NAA11: variants seen among roughly 807,000 people sequenced by gnomAD.
NAA11 encodes the protein N-alpha-acetyltransferase 11, NatA catalytic subunit.
NAA11 carries 15 observed loss-of-function variants against 16.1 expected under a neutral mutation model. The observed-to-expected ratio is 0.93, with a 90% CI of 0.62 to 1.44. The LOEUF (loss-of-function observed/expected upper bound fraction) is 1.44. Ranked by LOEUF, NAA11 falls within the 40% of genes most tolerant of loss-of-function variation. The pLI is 0.00. For synonymous variants in NAA11, 122 were observed against 112.4 expected (o/e 1.09, Z -0.54); for missense variants, 298 against 291.3 (o/e 1.02, Z -0.17).
intron 1 of NAA11, among the ~76,000 whole-genome samples, chr4:79,323,221 T>TA (rs1473588349): frequency 2.0e-5 from 3 of 152,192 alleles, no homozygotes; most frequent in Non-Finnish European, 4.4e-5. Context: ...ATTAAGATGT[T>TA]AAAGCCTGTA....
At chr4:79,303,341 T>G (rs1723468321) in intron 1 of NAA11, among the ~76,000 whole-genome samples, 1 of 151,696 alleles carries the variant, frequency 6.6e-6, no homozygotes. Context: ...TTAATTTGAG[T>G]AGGGGTCTTG....
chr4:79,309,353 T>C (rs1723691703), intron 1 of NAA11, among the ~76,000 whole-genome samples: 1 of 152,234 alleles, frequency 6.6e-6, no homozygotes. Flanking sequence ...AATCACATTG[T>C]ACTGTGGTAT....
chr4:79,185,957 C>G, the NAA11 span, among the ~76,000 whole-genome samples: 1 of 152,064 alleles, frequency 6.6e-6, no homozygotes, highest in African/African-American at 2.4e-5. Flanking sequence ...TTGACAACCA[C>G]CGCCCCACAT....
intron 1 of NAA11, among the ~76,000 whole-genome samples, chr4:79,301,408 C>T (rs1056650089): frequency 3.9e-5 from 6 of 152,192 alleles, no homozygotes; most frequent in African/African-American, 1.4e-4. Flanking sequence ...ATCATCTATA[C>T]TAATCAAGAG....
chr4:79,309,248 A>AT lies in NAA11; in HGVS notation c.*13-15135dup, dbSNP rs553373374. On this transcript the variant is annotated intron_variant and NMD_transcript_variant, in intron 1 of 2. Transcript: ENST00000511542. ...ATTTCTTGGAGATTATTGCTCATTTATTTTTTTAACAGACAAAACAGAATT... is the reference window on the plus strand; with the variant it reads ...ATTTCTTGGAGATTATTGCTCATTTATTTTTTTTAACAGACAAAACAGAATT... 4.0e-3 allele frequency among the ~76,000 whole-genome samples: 613 copies of AT among 152,232 alleles called. 1 individual carries two copies. Among genetic ancestry groups the AT allele is most frequent in the African/African-American group, 0.014 (581 of 41,530 alleles).
chr4:79,252,885 G>T (rs901443123), intron 2 of NAA11, among the ~76,000 whole-genome samples: 5 of 152,170 alleles, frequency 3.3e-5, no homozygotes, highest in African/African-American at 1.2e-4. Context: ...GCAAGGAAAA[G>T]TCATGATATA....
At chr4:79,232,162 A>G (rs920883175) in intron 2 of NAA11, among the ~76,000 whole-genome samples, 2 of 151,940 alleles carry the variant, frequency 1.3e-5, no homozygotes, top group Admixed American at 1.3e-4. Flanking sequence ...AGGTTTAGAT[A>G]AAACAAGATT....
intron 1 of NAA11, among the ~76,000 whole-genome samples, chr4:79,322,729 T>C (rs1045026842): frequency 6.6e-6 from 1 of 152,176 alleles, no homozygotes; most frequent in Non-Finnish European, 1.5e-5. Context: ...TTGACAACGC[T>C]TTCTCAAGGC....
intron 2 of NAA11, among the ~76,000 whole-genome samples, chr4:79,242,895 G>T (rs1353243552): frequency 6.6e-6 from 1 of 152,216 alleles, no homozygotes; most frequent in Admixed American, 6.5e-5. Flanking sequence ...TTTCAGGAAG[G>T]AGAGGAGCTT....
At chr4:79,166,726 G>GGGCGT in the NAA11 span, among the ~76,000 whole-genome samples, 2 of 148,668 alleles carry the variant, frequency 1.3e-5, no homozygotes, top group African/African-American at 5.0e-5. Flanking sequence ...AAAATTAGCT[G>GGGCGT]GGCGTGGTGG....
chr4:79,199,557 A>G, the NAA11 span, among the ~76,000 whole-genome samples: 3 of 151,916 alleles, frequency 2.0e-5, no homozygotes, highest in Admixed American at 6.6e-5. Flanking sequence ...CTGGGAGTCT[A>G]TAATTTGGCT....
the NAA11 span, among the ~76,000 whole-genome samples, chr4:79,179,940 G>A: frequency 6.6e-6 from 1 of 152,184 alleles, no homozygotes; most frequent in Non-Finnish European, 1.5e-5. Flanking sequence ...CAAGGTCGCA[G>A]GAGGAAGAAG....
intron 2 of NAA11, among the ~76,000 whole-genome samples, chr4:79,269,493 A>G (rs1722436283): frequency 1.3e-5 from 2 of 149,960 alleles, no homozygotes; most frequent in African/African-American, 5.0e-5. Flanking sequence ...GGCTGCATAG[A>G]TGTCTTCTTT....
intron 1 of NAA11, among the ~76,000 whole-genome samples, chr4:79,307,919 C>A (rs893508753): frequency 2.6e-5 from 4 of 152,078 alleles, no homozygotes; most frequent in Non-Finnish European, 5.9e-5. Flanking sequence ...AATGTATGGA[C>A]CAAGTTTCCA....
chr4:79,309,718 T>C (rs551953399), intron 1 of NAA11, among the ~76,000 whole-genome samples: 18 of 135,684 alleles, frequency 1.3e-4, no homozygotes, highest in East Asian at 1.3e-3. Flanking sequence ...TTTTTTCTTT[T>C]TTTTTTTTTT....
At chr4:79,183,005 T>C in the NAA11 span, among the ~76,000 whole-genome samples, 1 of 152,182 alleles carries the variant, frequency 6.6e-6, no homozygotes, top group Non-Finnish European at 1.5e-5. Flanking sequence ...AGGAATTATC[T>C]AGATATAGTT....
chr4:79,222,436 G>C (rs1298335933), downstream of NAA11, among the ~76,000 whole-genome samples: 2 of 150,976 alleles, frequency 1.3e-5, no homozygotes, highest in Non-Finnish European at 3.0e-5. Context: ...AAACTGGCTA[G>C]CCATATGTAG....
chr4:79,265,791 T>G (rs1043165995), intron 2 of NAA11, among the ~76,000 whole-genome samples: 1 of 152,126 alleles, frequency 6.6e-6, no homozygotes, highest in Non-Finnish European at 1.5e-5. Context: ...TGGTTTAAAT[T>G]TTTTTGTAGA....
chr4:79,208,435 C>G, the NAA11 span, among the ~76,000 whole-genome samples: 1 of 152,154 alleles, frequency 6.6e-6, no homozygotes, highest in Non-Finnish European at 1.5e-5. Context: ...CTATAAAGGA[C>G]TTCCAATACA....
Sources: allele counts gnomAD v4.1 joint callset (sites outside exome capture counted in the v4.1 genomes callset), GRCh38; gene constraint gnomAD v4.1.1; transcripts MANE v1.5; gene names NCBI Gene and HGNC (gene_info 2026-07-23, HGNC 2026-07-21).